Variants in KIAA1328 observed in about 807,000 individuals in gnomAD.
KIAA1328 encodes KIAA1328, also known as protein hinderin.
KIAA1328 carries 52 observed loss-of-function variants against 68.1 expected under a neutral mutation model. That is an observed-to-expected ratio of 0.76 (90% CI 0.61 to 0.96). The LOEUF (loss-of-function observed/expected upper bound fraction) is 0.96. Ranked by LOEUF, KIAA1328 falls within the 40% of genes least tolerant of loss-of-function variation. KIAA1328 has a pLI of 0.00. For synonymous variants in KIAA1328, 232 were observed against 239.4 expected, an observed-to-expected ratio of 0.97 and a Z score of 0.28; for missense variants, 641 against 677.6, an observed-to-expected ratio of 0.95 and a Z score of 0.60.
chr18:37,133,726 C>T (rs112302411), intron 7 of KIAA1328, among the ~76,000 whole-genome samples: 188 of 151,862 alleles, frequency 1.2e-3, no homozygotes, highest in African/African-American at 4.4e-3. Context: ...AGGGTTTCAC[C>T]GTGTTAGCCA....
chr18:36,941,062 G>A (rs575097751), intron 5 of KIAA1328, among the ~76,000 whole-genome samples: 2 of 152,180 alleles, frequency 1.3e-5, no homozygotes, highest in Admixed American at 6.5e-5. Context: ...CATTTTTTGA[G>A]TCAGTTGGAC....
intron 5 of KIAA1328, among the ~76,000 whole-genome samples, chr18:36,937,658 AT>A (rs1434629053): frequency 1.3e-5 from 2 of 152,178 alleles, no homozygotes; most frequent in African/African-American, 2.4e-5. Context: ...ACATATACCT[AT>A]TTTTTAATTG....
At chr18:36,936,288 C>T (rs2050496266) in intron 5 of KIAA1328, among the ~76,000 whole-genome samples, 1 of 152,118 alleles carries the variant, frequency 6.6e-6, no homozygotes, top group Non-Finnish European at 1.5e-5. Context: ...CCACCCACCC[C>T]CAACAGGCCC....
chr18:36,953,417 GAT>G (rs2051255716), intron 5 of KIAA1328, among the ~76,000 whole-genome samples: 1 of 144,074 alleles, frequency 6.9e-6, no homozygotes, highest in African/African-American at 2.7e-5. Context: ...TAGATAGATA[GAT>G]AGAGATAGAT....
intron 9 of KIAA1328, among the ~76,000 whole-genome samples, chr18:37,178,757 G>A (rs1438086213): frequency 1.3e-5 from 2 of 151,998 alleles, no homozygotes; most frequent in Non-Finnish European, 2.9e-5. Flanking sequence ...TTGTCCGTTT[G>A]GTAACAGCCA....
chr18:36,900,377 T>TG (rs1188455741), intron 5 of KIAA1328, among the ~76,000 whole-genome samples: 1 of 151,982 alleles, frequency 6.6e-6, no homozygotes, highest in African/African-American at 2.4e-5. Flanking sequence ...CAAAGAAAAC[T>TG]GCTGAGAGGC....
chr18:37,228,268 T>C (rs768334099), downstream of KIAA1328, among the ~76,000 whole-genome samples: 4 of 152,208 alleles, frequency 2.6e-5, no homozygotes, highest in Non-Finnish European at 4.4e-5. Flanking sequence ...ACTTAGAATA[T>C]TGTATAAATT....
At chr18:37,143,865 A>G (rs2058835887) in intron 7 of KIAA1328, among the ~76,000 whole-genome samples, 1 of 152,042 alleles carries the variant, frequency 6.6e-6, no homozygotes, top group Non-Finnish European at 1.5e-5. Context: ...TTATATTTTG[A>G]AAAAATACTA....
At chr18:36,872,085 CAT>C (rs936603268) in intron 4 of KIAA1328, among the ~76,000 whole-genome samples, 2 of 152,106 alleles carry the variant, frequency 1.3e-5, no homozygotes, top group African/African-American at 4.8e-5. Context: ...TAACAAAAAA[CAT>C]AGTTTCAGGA....
intron 4 of KIAA1328, among the ~76,000 whole-genome samples, chr18:36,879,617 A>G (rs933066321): frequency 5.3e-5 from 8 of 152,156 alleles, no homozygotes; most frequent in Non-Finnish European, 8.8e-5. Flanking sequence ...AGTCTGCTGA[A>G]GTTGCGCCCA....
intron 7 of KIAA1328, among the ~76,000 whole-genome samples, chr18:37,081,643 A>G (rs2056952486): frequency 6.6e-6 from 1 of 152,176 alleles, no homozygotes; most frequent in African/African-American, 2.4e-5. Context: ...CTAGTATTTG[A>G]AGCCTTTTAT....
intron 4 of KIAA1328, among the ~76,000 whole-genome samples, chr18:36,878,446 T>C (rs1442831873): frequency 2.0e-5 from 3 of 152,174 alleles, no homozygotes; most frequent in African/African-American, 7.2e-5. Flanking sequence ...GCCCTTAACA[T>C]TTTTTCCTTC....
intron 4 of KIAA1328, among the ~76,000 whole-genome samples, chr18:36,850,302 G>A (rs2047170295): frequency 6.6e-6 from 1 of 151,876 alleles, no homozygotes; most frequent in Non-Finnish European, 1.5e-5. Context: ...TAGTGTAGAG[G>A]AACACAAATA....
intron 9 of KIAA1328, among the ~76,000 whole-genome samples, chr18:37,175,768 G>T (rs763638634): frequency 3.9e-5 from 6 of 152,142 alleles, no homozygotes; most frequent in Non-Finnish European, 7.4e-5. Context: ...TAAGAGAAGA[G>T]CCTATTGTTC....
intron 6 of KIAA1328, among the ~76,000 whole-genome samples, chr18:37,022,435 G>C (rs1030616495): frequency 6.6e-6 from 1 of 152,158 alleles, no homozygotes; most frequent in Non-Finnish European, 1.5e-5. Context: ...TGAAGTCTCA[G>C]TATAGAATTA....
intron 6 of KIAA1328, among the ~76,000 whole-genome samples, chr18:36,973,876 T>C (rs552572179): frequency 2.1e-4 from 31 of 147,780 alleles, no homozygotes; most frequent in Admixed American, 9.5e-4. Context: ...AATTCTATTT[T>C]TCAGTGTAAT....
chr18:36,846,041 T>G (rs1420109130), intron 4 of KIAA1328, among the ~76,000 whole-genome samples: 1 of 151,684 alleles, frequency 6.6e-6, no homozygotes, highest in African/African-American at 2.4e-5. Context: ...GAATCATTTG[T>G]TCTTCATTTC....
intron 7 of KIAA1328, among the ~76,000 whole-genome samples, chr18:37,085,811 C>T (rs1213740800): frequency 1.3e-5 from 2 of 151,926 alleles, no homozygotes; most frequent in Non-Finnish European, 2.9e-5. Flanking sequence ...TTTCCCTCTC[C>T]TCCCTCTCTC....
chr18:36,997,653 G>T (rs942461326), intron 6 of KIAA1328, among the ~76,000 whole-genome samples: 7 of 152,136 alleles, frequency 4.6e-5, no homozygotes, highest in African/African-American at 1.7e-4. Context: ...CTGTCCTAGG[G>T]TCCAGCAGTA....
Sources: gnomAD v4.1 joint callset for allele counts (sites outside exome capture counted in the v4.1 genomes callset) on GRCh38, gnomAD v4.1.1 for gene constraint, MANE v1.5 for transcripts, NCBI Gene and HGNC (gene_info 2026-07-23, HGNC 2026-07-21) for gene names.